Variants in ANKRD28 observed in about 807,000 individuals in gnomAD.
ANKRD28 encodes the protein serine/threonine-protein phosphatase 6 regulatory ankyrin repeat subunit A.
Under a neutral mutation model 126.5 loss-of-function variants are expected in ANKRD28, and 44 were observed. That is an observed-to-expected ratio of 0.35 (90% CI 0.27 to 0.45). The LOEUF is 0.45. ANKRD28 is among the 20% of genes least tolerant of loss of function. The pLI is 1.00. For missense variants in ANKRD28, 1,110 were observed against 1,316.6 expected, an observed-to-expected ratio of 0.84 and a Z score of 2.43; for synonymous variants, 442 against 468.5, an observed-to-expected ratio of 0.94 and a Z score of 0.73.
At chr3:15,709,961 T>A (rs1380480354) in intron 12 of ANKRD28, among the ~76,000 whole-genome samples, 1 of 152,170 alleles carries the variant, frequency 6.6e-6, no homozygotes, top group Non-Finnish European at 1.5e-5. Context: ...ACGATTCATG[T>A]TGTCATTGTT....
intron 6 of ANKRD28, among the ~76,000 whole-genome samples, chr3:15,729,809 T>C: frequency 6.6e-6 from 1 of 152,274 alleles, no homozygotes; most frequent in Middle Eastern, 3.4e-3. Flanking sequence ...TTTCCCCCCA[T>C]TTTAATATGA....
chr3:15,772,812 G>C (rs542460615), intron 2 of ANKRD28, among the ~76,000 whole-genome samples: 41 of 152,184 alleles, frequency 2.7e-4, no homozygotes, highest in African/African-American at 9.9e-4. Flanking sequence ...TCAGCCTCCT[G>C]AGTAGCTGAG....
chr3:15,686,459 T>C (rs1303199002), intron 18 of ANKRD28, 150 bp from the exon 19 acceptor site: 1 of 659,924 alleles, frequency 1.5e-6, no homozygotes. Context: ...AAAAGAAGGT[T>C]TCTACGGCCT....
chr3:15,839,424 A>AT lies in ANKRD28; in HGVS notation c.27+19952dup, dbSNP rs2061387312. On this transcript the variant is annotated intron_variant, in intron 1 of 27. Transcript: ENST00000399451. This position sits in a 1 kb window ranked among gnomAD's most constrained non-coding sequence, Gnocchi z 4.3. ...AGAACCAAAGTGGGTAAAAGGGAAG[A>AT]TTTTCTGACATGTTGATTCAGCACA... Among the ~76,000 whole-genome samples, 2 of 152,170 alleles carry AT rather than the reference A, an allele frequency of 1.3e-5. No individual in the cohort carries two copies. The highest frequency in any genetic ancestry group is 2.9e-5 in the Non-Finnish European group (2 of 68,026).
rs541709901 is a variant in ANKRD28 at position 15,797,910 on chromosome 3, A to C, written c.-1389T>G. On this transcript the variant is annotated 5_prime_UTR_variant, in exon 1 of 28. Coordinates refer to ENST00000683139, the MANE Select transcript of ANKRD28 (RefSeq NM_001349278.2). ...GCATTCCAACGGAGCAACAGTCTGA[A>C]GAGCAAAGACTGCAGACCCACAGGA... 1.0e-6 allele frequency: 1 copy of C among 985,462 alleles called. No individual in the cohort carries two copies. The highest frequency in any genetic ancestry group is 4.7e-5 in the South Asian group (1 of 21,290). 61.0% of individuals were successfully genotyped at this position (985,462 alleles called of 1,614,324 possible). A position where few individuals can be genotyped will look rare whatever the true frequency, so the allele number is the denominator to read the frequency against.
At position 15,696,150 on chromosome 3, in the gene ANKRD28, C is replaced by T. The variant is rs762410032; in HGVS notation, c.1643G>A (p.Arg548His). ...AVHYSAAYGH[R>H]LCLQLIASET... ...GAATCTTACCAGCTGAAGACATAGA[C>T]GGTGACCATAAGCAGCTGAATAATG... is the stretch of plus-strand genomic sequence containing the variant. The change falls in exon 15 of 28, where the codon CGT becomes CAT. Residue 548 changes from arginine to histidine, a missense_variant. Arg to His is a conservative substitution (Grantham distance 29). Transcript: ENST00000683139. 3.8e-6 allele frequency: 6 copies of T among 1,582,440 alleles called. No homozygotes were observed. The highest frequency in any genetic ancestry group is 1.8e-5 in the Admixed American group (1 of 56,184).
chr3:15,850,224 T>TATATATATATATATAGAGAGAGAG (rs1418223588), intron 1 of ANKRD28, among the ~76,000 whole-genome samples: 17 of 35,102 alleles, frequency 4.8e-4, no homozygotes, highest in Non-Finnish European at 8.9e-4. Context: ...TATATATATA[T>TATATATATATATATAGAGAGAGAG]AGAGAGAGAG....
upstream of ANKRD28, among the ~76,000 whole-genome samples, chr3:15,799,317 GA>G (rs79319325): frequency 0.058 from 8,362 of 143,138 alleles, 662 homozygotes; most frequent in African/African-American, 0.18. Context: ...CCATAAAAAG[GA>G]AAAAAAAAAC....
chr3:15,685,499 C>T lies in ANKRD28; in HGVS notation c.2170-54G>A, dbSNP rs1026219010. 15 of 1,531,270 alleles carry T rather than the reference C, an allele frequency of 9.8e-6. No individual in the cohort carries two copies. The Admixed American group carries it at 1.9e-4, about 19-fold the overall frequency. The allele number at this position is 1,531,270 out of a possible 1,614,324, so 94.9% of individuals were successfully genotyped here. A position where few individuals can be genotyped will look rare whatever the true frequency, so the allele number is the denominator to read the frequency against. On this transcript the variant is annotated intron_variant, in intron 20 of 27. Coordinates refer to ENST00000683139, the MANE Select transcript of ANKRD28 (RefSeq NM_001349278.2). ...AACATATTATGCTAAACATTACATGCCAATTTCAGCTAATTAAAAACTTTA... is the reference window on the plus strand; with the variant it reads ...AACATATTATGCTAAACATTACATGTCAATTTCAGCTAATTAAAAACTTTA...
At chr3:15,688,288 T>C (rs554817971) in intron 18 of ANKRD28, among the ~76,000 whole-genome samples, 13 of 152,326 alleles carry the variant, frequency 8.5e-5, no homozygotes, top group Admixed American at 5.2e-4. Context: ...GTGTACAAAA[T>C]TGATTTTTAT....
chr3:15,694,792 C>T lies in ANKRD28; in HGVS notation c.1708G>A (p.Asp570Asn), dbSNP rs1037068639. Residue 570 changes from aspartate (D) to asparagine (N), a missense_variant, in exon 17 of 28, where the codon GAC becomes AAC. Coordinates refer to ENST00000683139, the MANE Select transcript of ANKRD28 (RefSeq NM_001349278.2). ...LDVLMETSGT[D>N]MLSDSDNRAT... Reference sequence around the variant, plus strand: ...CTATTATCTGAATCACTCAGCATGTCTGTTCCTGAGGTTTCCATTAACTGA... The same window carrying T: ...CTATTATCTGAATCACTCAGCATGTTTGTTCCTGAGGTTTCCATTAACTGA... 6.2e-7 allele frequency: 1 copy of T among 1,613,430 alleles called. No individual in the cohort carries two copies. Among genetic ancestry groups the T allele is most frequent in the Admixed American group, 1.7e-5 (1 of 59,978 alleles).
At chr3:15,748,646 A>G (rs905123665) in intron 4 of ANKRD28, among the ~76,000 whole-genome samples, 1 of 152,178 alleles carries the variant, frequency 6.6e-6, no homozygotes, top group Admixed American at 6.5e-5. Flanking sequence ...TCTTGACTTT[A>G]GATAACTTGA....
At chr3:15,840,813 G>A (rs2061411568) in intron 1 of ANKRD28, among the ~76,000 whole-genome samples, 1 of 152,160 alleles carries the variant, frequency 6.6e-6, no homozygotes, top group African/African-American at 2.4e-5. Context: ...TCAATAAATG[G>A]TGCCAGGAAA....
Position 15,838,762 on chromosome 3 carries a change from A to G in ANKRD28, c.27+20615T>C, listed in dbSNP as rs913177885. 6.6e-6 allele frequency among the ~76,000 whole-genome samples: 1 copy of G among 152,100 alleles called. No individual in the cohort carries two copies. The highest frequency in any genetic ancestry group is 1.5e-5 in the Non-Finnish European group (1 of 68,006). On this transcript the variant is annotated intron_variant, in intron 1 of 27. Transcript: ENST00000399451. This position sits in a 1 kb window ranked among gnomAD's most constrained non-coding sequence, Gnocchi z 4.0. ...AAACTCCGTCTCAAAAAAAAAAAAA[A>G]ATCTTCGCAAGAGAAGTTAAAACGT...
rs938265432 is a variant in ANKRD28, at chr3:15,839,802, A to C, written c.27+19575T>G. Reference sequence around the variant, plus strand: ...ATCAACAAAATGAAGGACAAAAACCACATAGTCATGTCAACTGATGCTGAA... The same window carrying C: ...ATCAACAAAATGAAGGACAAAAACCCCATAGTCATGTCAACTGATGCTGAA... On this transcript the variant is annotated intron_variant, in intron 1 of 27. Coordinates refer to the ANKRD28 transcript ENST00000399451. The surrounding 1 kb of genome is among the most constrained non-coding windows in gnomAD (Gnocchi z 4.3). Among the ~76,000 whole-genome samples, 1 of 152,210 alleles carries C rather than the reference A, an allele frequency of 6.6e-6. No individual in the cohort carries two copies. Among genetic ancestry groups the C allele is most frequent in the African/African-American group, 2.4e-5 (1 of 41,452 alleles).
chr3:15,745,657 T>C (rs1464013941), intron 4 of ANKRD28, among the ~76,000 whole-genome samples: 3 of 152,232 alleles, frequency 2.0e-5, no homozygotes, highest in Non-Finnish European at 2.9e-5. Context: ...CCTCCAGATT[T>C]GGTCTTTTTG....
chr3:15,858,112 T>C (rs1233306368), intron 1 of ANKRD28, among the ~76,000 whole-genome samples: 2 of 152,206 alleles, frequency 1.3e-5, no homozygotes, highest in South Asian at 2.1e-4. Context: ...TCCAATACAA[T>C]AGCCAATAGC....
Position 15,670,123 on chromosome 3 carries a change from C to T in ANKRD28, c.*147G>A. ...TGTAAAACTTGCCTTTAAAACTCTT[C>T]CTCCTAATGCCATCAGATCTCTTAA... On this transcript the variant is annotated 3_prime_UTR_variant, in exon 28 of 28. Transcript: ENST00000683139. The T allele has an allele frequency of 1.2e-6, 1 of 867,628 alleles. No homozygotes were observed. The highest frequency in any genetic ancestry group is 2.1e-5 in the South Asian group (1 of 48,242). The allele number at this position is 867,628 out of a possible 1,614,324, so 53.7% of individuals were successfully genotyped here. A position where few individuals can be genotyped will look rare whatever the true frequency, so the allele number is the denominator to read the frequency against.
chr3:15,674,098 G>A (rs1378619045), intron 27 of ANKRD28, among the ~76,000 whole-genome samples: 2 of 132,336 alleles, frequency 1.5e-5, no homozygotes, highest in Non-Finnish European at 3.1e-5. Context: ...CTTGAGCCCA[G>A]GAGTTCAAGG....
Sources: allele counts gnomAD v4.1 joint callset (sites outside exome capture counted in the v4.1 genomes callset), GRCh38; gene constraint gnomAD v4.1.1; non-coding constraint Gnocchi (gnomAD v3.1); transcripts MANE v1.5; gene names NCBI Gene and HGNC (gene_info 2026-07-23, HGNC 2026-07-21).